JPH3: variants seen among roughly 807,000 people sequenced by gnomAD.
JPH3 encodes junctophilin-3.
In JPH3, 11 loss-of-function variants were observed where a neutral mutation model predicts 59.6. The observed-to-expected ratio is 0.18, with a 90% confidence interval of 0.12 to 0.31. The LOEUF (loss-of-function observed/expected upper bound fraction) is 0.31. JPH3 is among the 10% of genes least tolerant of loss of function. The probability of loss-of-function intolerance (pLI) is 1.00; values close to 1 mark genes in which losing one functional copy is unlikely to be tolerated. For missense variants in JPH3, 1,202 were observed against 1,105.7 expected (o/e 1.09, Z -1.24); for synonymous variants, 673 against 483.6 (o/e 1.39, Z -5.14).
At chr16:87,639,094 C>T (rs969256719) in intron 1 of JPH3, among the ~76,000 whole-genome samples, 1 of 152,168 alleles carries the variant, frequency 6.6e-6, no homozygotes, top group Non-Finnish European at 1.5e-5. Flanking sequence ...CCTCAGTTGC[C>T]TCACCTGGGA....
intron 2 of JPH3, among the ~76,000 whole-genome samples, chr16:87,649,363 C>T (rs1335141367): frequency 6.6e-6 from 1 of 152,240 alleles, no homozygotes; most frequent in Non-Finnish European, 1.5e-5. Context: ...GCCAGGAGGG[C>T]ACACACAGGG....
chr16:87,634,400 G>A (rs929387844), intron 1 of JPH3, among the ~76,000 whole-genome samples: 21 of 152,330 alleles, frequency 1.4e-4, no homozygotes, highest in African/African-American at 4.6e-4. Context: ...GTCAGAGCCG[G>A]GAATGGGGAG....
chr16:87,636,952 C>T (rs1728410944), intron 1 of JPH3, among the ~76,000 whole-genome samples: 1 of 152,296 alleles, frequency 6.6e-6, no homozygotes, highest in South Asian at 2.1e-4. Flanking sequence ...TGCCTGGTTT[C>T]AGGTCCACAC....
chr16:87,641,645 CA>C (rs1567594448), intron 1 of JPH3, among the ~76,000 whole-genome samples: 1 of 152,254 alleles, frequency 6.6e-6, no homozygotes, highest in African/African-American at 2.4e-5. Flanking sequence ...AAGCTGCCCT[CA>C]GAGGCTGCGT....
At chr16:87,669,748 A>C (rs1040395197) in intron 2 of JPH3, among the ~76,000 whole-genome samples, 8 of 152,188 alleles carry the variant, frequency 5.3e-5, no homozygotes, top group Admixed American at 3.9e-4. Context: ...CCCAGGCAGA[A>C]AAAGAGGAAC....
chr16:87,658,432 C>G (rs1386237204), intron 2 of JPH3, among the ~76,000 whole-genome samples: 1 of 151,426 alleles, frequency 6.6e-6, no homozygotes, highest in Non-Finnish European at 1.5e-5. Context: ...TCCTCTCTAT[C>G]TCCCTATCTG....
intron 2 of JPH3, among the ~76,000 whole-genome samples, chr16:87,668,994 T>A (rs2032947034): frequency 6.6e-6 from 1 of 151,696 alleles, no homozygotes; most frequent in Non-Finnish European, 1.5e-5. Flanking sequence ...TTCTCGGAGG[T>A]CCTGCGAGGC....
At chr16:87,628,222 A>G (rs2031447289) in intron 1 of JPH3, among the ~76,000 whole-genome samples, 1 of 152,254 alleles carries the variant, frequency 6.6e-6, no homozygotes, top group Admixed American at 6.5e-5. Flanking sequence ...TGATCTGCTC[A>G]CCTGGGAGAC....
chr16:87,616,493 G>A lies in JPH3; in HGVS notation c.382+12965G>A, dbSNP rs866696189. ...TCTTGATCTCCTGACCTCGTGATCCGCCCACCTCGGCCTTCCAAAGTGCTG... is the reference window on the plus strand; with the variant it reads ...TCTTGATCTCCTGACCTCGTGATCCACCCACCTCGGCCTTCCAAAGTGCTG... On this transcript the variant is annotated intron_variant, in intron 1 of 4. Transcript: ENST00000284262. 4.6e-5 allele frequency among the ~76,000 whole-genome samples: 7 copies of A among 150,954 alleles called. No individual in the cohort carries two copies. The South Asian group carries it at 8.4e-4, about 18-fold the overall frequency.
intron 1 of JPH3, among the ~76,000 whole-genome samples, chr16:87,613,911 C>T (rs927591084): frequency 1.2e-4 from 19 of 152,182 alleles, no homozygotes; most frequent in African/African-American, 4.3e-4. Context: ...GGGTCACACT[C>T]GCTGAGATCA....
chr16:87,651,870 A>G (rs373650157), intron 2 of JPH3, among the ~76,000 whole-genome samples: 161 of 152,382 alleles, frequency 1.1e-3, no homozygotes, highest in Middle Eastern at 3.4e-3. Flanking sequence ...CCAGTTTCCA[A>G]TGAAGCTCTA....
At chr16:87,640,536 A>G (rs1212469171) in intron 1 of JPH3, among the ~76,000 whole-genome samples, 1 of 151,530 alleles carries the variant, frequency 6.6e-6, no homozygotes, top group Non-Finnish European at 1.5e-5. Context: ...GATTACAGGC[A>G]CCCATCACCA....
chr16:87,687,835 C>G (rs928004057), intron 3 of JPH3, among the ~76,000 whole-genome samples: 2 of 152,088 alleles, frequency 1.3e-5, no homozygotes, highest in Non-Finnish European at 2.9e-5. Context: ...TGGGAAAGGC[C>G]GGGGCGCCAT....
intron 1 of JPH3, among the ~76,000 whole-genome samples, chr16:87,640,767 C>G (rs191362702): frequency 1.3e-5 from 2 of 152,336 alleles, no homozygotes; most frequent in East Asian, 3.9e-4. Flanking sequence ...TCATCTGAAA[C>G]TCAGATGTTA....
intron 1 of JPH3, among the ~76,000 whole-genome samples, chr16:87,635,311 A>G (rs752370900): frequency 2.0e-5 from 3 of 152,076 alleles, no homozygotes; most frequent in Admixed American, 6.5e-5. Flanking sequence ...TCCAGCTGGG[A>G]CCCCGGGCTC....
intron 1 of JPH3, among the ~76,000 whole-genome samples, chr16:87,610,748 A>C (rs1041093496): frequency 2.0e-5 from 3 of 152,170 alleles, no homozygotes; most frequent in African/African-American, 7.2e-5. Context: ...AGAGACTGCC[A>C]GTGTTTCATA....
intron 1 of JPH3, among the ~76,000 whole-genome samples, chr16:87,613,619 C>G (rs8053193): frequency 0.56 from 84,658 of 151,978 alleles, 24,487 homozygotes; most frequent in East Asian, 0.91. Context: ...CCTAGCCCAG[C>G]CTATTGTGTT....
At chr16:87,640,092 G>A (rs1034305753) in intron 1 of JPH3, among the ~76,000 whole-genome samples, 7 of 152,176 alleles carry the variant, frequency 4.6e-5, no homozygotes, top group Non-Finnish European at 1.0e-4. Context: ...ACTTTGGGAG[G>A]TTGAGGTGGG....
chr16:87,646,751 C>G (rs184235891), intron 2 of JPH3, among the ~76,000 whole-genome samples: 1 of 152,194 alleles, frequency 6.6e-6, no homozygotes, highest in Admixed American at 6.5e-5. Flanking sequence ...TGAGGAAGCT[C>G]GTGGCAGCTT....
Sources: allele counts gnomAD v4.1 joint callset (sites outside exome capture counted in the v4.1 genomes callset), GRCh38; gene constraint gnomAD v4.1.1; transcripts MANE v1.5; gene names NCBI Gene and HGNC (gene_info 2026-07-23, HGNC 2026-07-21).